SLC2A9: variants seen among roughly 807,000 people sequenced by gnomAD.
SLC2A9 encodes the protein solute carrier family 2, facilitated glucose transporter member 9.
Under a neutral mutation model 50.6 loss-of-function variants are expected in SLC2A9, and 39 were observed. That is an observed-to-expected ratio of 0.77 (90% CI 0.60 to 1.01). The LOEUF is 1.01. Among genes scored for constraint, SLC2A9 ranks in the 50% least tolerant of loss-of-function variants. The probability of loss-of-function intolerance (pLI) is 0.00; values close to 1 mark genes in which losing one functional copy is unlikely to be tolerated. For missense variants in SLC2A9, 686 were observed against 677.6 expected, an observed-to-expected ratio of 1.01 and a Z score of -0.14; for synonymous variants, 324 against 276.9, an observed-to-expected ratio of 1.17 and a Z score of -1.69.
At chr4:9,875,465 C>T (rs969981332) in intron 10 of SLC2A9, among the ~76,000 whole-genome samples, 18 of 152,232 alleles carry the variant, frequency 1.2e-4, no homozygotes, top group Admixed American at 2.0e-4. Context: ...GGTGGCTCTG[C>T]TTGCTCTGAC....
At chr4:9,942,954 C>A (rs1377919333) in intron 5 of SLC2A9, among the ~76,000 whole-genome samples, 1 of 152,214 alleles carries the variant, frequency 6.6e-6, no homozygotes, top group African/African-American at 2.4e-5. Flanking sequence ...CAAAATAAGA[C>A]ACACTCAGAC....
chr4:9,778,040 CTT>C (rs199734092), downstream of SLC2A9, among the ~76,000 whole-genome samples: 547 of 130,570 alleles, frequency 4.2e-3, 4 homozygotes, highest in African/African-American at 0.015. Context: ...CTTCTATTTT[CTT>C]TCTTTCTTTC....
At chr4:9,944,667 G>A (rs769269018) in intron 5 of SLC2A9, among the ~76,000 whole-genome samples, 14 of 152,168 alleles carry the variant, frequency 9.2e-5, no homozygotes, top group East Asian at 3.9e-4. Context: ...GGTGAGGGTC[G>A]GGAGTGTCCA....
intron 7 of SLC2A9, among the ~76,000 whole-genome samples, chr4:9,919,486 C>T (rs1456300640): frequency 1.3e-5 from 2 of 152,134 alleles, no homozygotes; most frequent in East Asian, 3.9e-4. Context: ...CCTAGACACC[C>T]CCAAACACCC....
At position 9,982,962 on chromosome 4, in the gene SLC2A9, G is replaced by A. The variant is rs74510990; in HGVS notation, c.536-2225C>T. On this transcript the variant is annotated intron_variant, in intron 4 of 11. Transcript: ENST00000264784. ...CGGCTCACCGCAACCTCCATCTCCT[G>A]GGTTCAAGTGGTTCTCCCACCTCAG... Among the ~76,000 whole-genome samples the A allele has an allele frequency of 5.2e-3, 797 of 152,282 alleles. 19 individuals carry two copies. The East Asian group carries it at 0.081, about 15-fold the overall frequency.
upstream of SLC2A9, chr4:10,025,655 G>A (rs1763725543): frequency 2.0e-6 from 1 of 502,844 alleles, no homozygotes; most frequent in Admixed American, 3.4e-5. Context: ...TTGTAATGGA[G>A]ACTTTTGCCC....
chr4:9,921,113 G>T (rs1456942223), intron 6 of SLC2A9, among the ~76,000 whole-genome samples: 2 of 152,164 alleles, frequency 1.3e-5, no homozygotes, highest in African/African-American at 4.8e-5. Context: ...TGCAGTCCAT[G>T]CTATTGTGAA....
intron 2 of SLC2A9, chr4:10,009,603 G>A (rs1761408628): frequency 6.6e-6 from 1 of 152,194 alleles, no homozygotes; most frequent in African/African-American, 2.4e-5. Context: ...AAGAGTCTGT[G>A]TCTCCCCTCC....
intron 5 of SLC2A9, among the ~76,000 whole-genome samples, chr4:9,956,158 C>T (rs931278290): frequency 1.3e-5 from 2 of 150,644 alleles, no homozygotes; most frequent in African/African-American, 2.5e-5. Context: ...GAATTACAGG[C>T]GTGATCCACC....
intron 8 of SLC2A9, among the ~76,000 whole-genome samples, chr4:9,907,456 G>A (rs1740893106): frequency 6.6e-6 from 1 of 152,220 alleles, no homozygotes; most frequent in Non-Finnish European, 1.5e-5. Flanking sequence ...GAGAAACAGT[G>A]AGGAGCTCTA....
intron 10 of SLC2A9, among the ~76,000 whole-genome samples, chr4:9,870,373 T>C (rs1013515179): frequency 6.6e-6 from 1 of 152,036 alleles, no homozygotes. Context: ...GGAAGACAGC[T>C]GCTGACAGAA....
intron 6 of SLC2A9, among the ~76,000 whole-genome samples, chr4:9,928,731 C>A (rs1308801539): frequency 1.3e-5 from 2 of 152,100 alleles, no homozygotes; most frequent in Admixed American, 6.6e-5. Context: ...AAGACTCCTT[C>A]TCAAAAGCAA....
chr4:9,944,199 G>A (rs750093602), intron 5 of SLC2A9, among the ~76,000 whole-genome samples: 19 of 152,194 alleles, frequency 1.2e-4, no homozygotes, highest in African/African-American at 1.7e-4. Flanking sequence ...CCGGAGATGT[G>A]GGAGCTGAGG....
intron 3 of SLC2A9, among the ~76,000 whole-genome samples, chr4:9,820,484 T>A (rs1283033554): frequency 6.6e-6 from 1 of 152,212 alleles, no homozygotes; most frequent in Admixed American, 6.5e-5. Flanking sequence ...AAATTTCTTT[T>A]GGGATTTTGA....
intron 2 of SLC2A9, among the ~76,000 whole-genome samples, chr4:10,017,913 G>T (rs1303742364): frequency 6.6e-6 from 1 of 151,966 alleles, no homozygotes; most frequent in African/African-American, 2.4e-5. Context: ...GGAGCTCCCC[G>T]CATTTCCCCA....
intron 5 of SLC2A9, among the ~76,000 whole-genome samples, chr4:9,975,365 T>C (rs1754614518): frequency 6.6e-6 from 1 of 152,124 alleles, no homozygotes; most frequent in African/African-American, 2.4e-5. Flanking sequence ...GACAAAGGGC[T>C]AAAATCCATA....
At chr4:9,941,685 C>A (rs542858548) in intron 6 of SLC2A9, among the ~76,000 whole-genome samples, 4 of 152,308 alleles carry the variant, frequency 2.6e-5, no homozygotes, top group Admixed American at 2.0e-4. Context: ...CTGGCTTTTC[C>A]AGATTCCCTG....
At chr4:9,880,574 G>A in intron 10 of SLC2A9, 3 of 985,418 alleles carry the variant, frequency 3.0e-6, no homozygotes, top group Non-Finnish European at 3.6e-6. Flanking sequence ...GCTAAGCTTA[G>A]TGATTTTTGG....
At chr4:9,923,707 G>A (rs1394621173) in intron 6 of SLC2A9, 2 of 152,244 alleles carry the variant, frequency 1.3e-5, no homozygotes, top group African/African-American at 2.4e-5. Flanking sequence ...GTGTATGAGA[G>A]CTGCTGATGA....
Sources: gnomAD v4.1 joint callset for allele counts (sites outside exome capture counted in the v4.1 genomes callset) on GRCh38, gnomAD v4.1.1 for gene constraint, MANE v1.5 for transcripts, NCBI Gene and HGNC (gene_info 2026-07-23, HGNC 2026-07-21) for gene names.